CDH13: variants seen among roughly 807,000 people sequenced by gnomAD.
CDH13 encodes cadherin-13.
Under a neutral mutation model 63.8 loss-of-function variants are expected in CDH13, and 24 were observed. The ratio of observed to expected loss-of-function variants is 0.38; its 90% CI spans 0.27 to 0.53. The LOEUF (loss-of-function observed/expected upper bound fraction) is 0.53. Among genes scored for constraint, CDH13 ranks in the 20% least tolerant of loss-of-function variants. The pLI is 0.85. For missense variants in CDH13, 1,049 were observed against 903.1 expected (o/e 1.16, Z -2.07); for synonymous variants, 503 against 355.3 (o/e 1.42, Z -4.67).
chr16:82,675,150 G>A (rs910376955), intron 1 of CDH13, among the ~76,000 whole-genome samples: 8 of 152,030 alleles, frequency 5.3e-5, no homozygotes, highest in African/African-American at 9.7e-5. Flanking sequence ...TAAGGGTGCC[G>A]TATTGAAAAA....
At chr16:82,858,217 C>T (rs2039781788) in intron 1 of CDH13, 145 bp from the exon 2 acceptor site, 1 of 599,170 alleles carries the variant, frequency 1.7e-6, no homozygotes. Context: ...TTGTTGGCAG[C>T]CACTGGAGAA....
chr16:83,365,083 A>G (rs569757839), intron 6 of CDH13, among the ~76,000 whole-genome samples: 3 of 152,342 alleles, frequency 2.0e-5, no homozygotes, highest in Middle Eastern at 6.8e-3. Context: ...GTAAAATTTA[A>G]AAAAGGATAT....
chr16:83,317,218 A>G (rs1455592230), intron 5 of CDH13, among the ~76,000 whole-genome samples: 4 of 152,210 alleles, frequency 2.6e-5, no homozygotes, highest in Admixed American at 6.5e-5. Context: ...GCAAACTTCT[A>G]TAAACTTATC....
intron 2 of CDH13, among the ~76,000 whole-genome samples, chr16:82,927,206 A>G (rs2042332211): frequency 6.6e-6 from 1 of 152,150 alleles, no homozygotes. Flanking sequence ...AATGAGTGAT[A>G]TTTTATGACT....
In CDH13 at chr16:82,644,618, T is replaced by C. The variant is rs1433157; in HGVS notation, c.45+17481T>C. On this transcript the variant is annotated intron_variant, in intron 1 of 13. Transcript: ENST00000567109. The surrounding 1 kb of genome is among the most constrained non-coding windows in gnomAD (Gnocchi z 5.7). ...AGCTGAGGGGCTGTACGTGTCTTCA[T>C]AGGTCTCCAGTCTGTAAAAGCAACC... 0.51 allele frequency among the ~76,000 whole-genome samples: 78,136 copies of C among 151,930 alleles called. 20,787 individuals are homozygous for C. The highest frequency in any genetic ancestry group is 0.64 in the African/African-American group (26,723 of 41,444).
At chr16:82,831,313 C>G (rs1014056014) in intron 1 of CDH13, among the ~76,000 whole-genome samples, 1 of 152,154 alleles carries the variant, frequency 6.6e-6, no homozygotes, top group Non-Finnish European at 1.5e-5. Context: ...AGGTCGGTAT[C>G]AAGTTTCTCT....
chr16:83,571,432 C>T (rs544260555), intron 7 of CDH13, among the ~76,000 whole-genome samples: 6 of 152,156 alleles, frequency 3.9e-5, no homozygotes, highest in Middle Eastern at 6.8e-3. Flanking sequence ...GCCCTTAAAG[C>T]AATAAGATAT....
At chr16:83,740,615 T>C (rs377242249) in intron 10 of CDH13, among the ~76,000 whole-genome samples, 1 of 152,174 alleles carries the variant, frequency 6.6e-6, no homozygotes, top group Admixed American at 6.5e-5. Flanking sequence ...CCAGTCAGAA[T>C]TGTCATGTGC....
intron 1 of CDH13, among the ~76,000 whole-genome samples, chr16:82,790,779 G>A (rs2151135195): frequency 6.6e-6 from 1 of 152,280 alleles, no homozygotes; most frequent in South Asian, 2.1e-4. Flanking sequence ...AGAGGGAGGA[G>A]TCCCTTATAA....
At chr16:83,579,328 G>A (rs1216900084) in intron 7 of CDH13, among the ~76,000 whole-genome samples, 1 of 152,146 alleles carries the variant, frequency 6.6e-6, no homozygotes, top group Non-Finnish European at 1.5e-5. Context: ...CCTGAGACTG[G>A]GCAATATATA....
chr16:83,659,012 C>T (rs1370384926), intron 8 of CDH13, among the ~76,000 whole-genome samples: 2 of 144,000 alleles, frequency 1.4e-5, no homozygotes, highest in Non-Finnish European at 3.0e-5. Context: ...ATGTCCTCAC[C>T]ACCAGGTCCC....
chr16:83,593,176 T>C (rs1380127832), intron 7 of CDH13, among the ~76,000 whole-genome samples: 3 of 152,212 alleles, frequency 2.0e-5, no homozygotes, highest in Admixed American at 6.5e-5. Flanking sequence ...CAAGGACGCT[T>C]GTGATGCCCA....
rs961853806 is a variant in CDH13 at position 82,915,758 on chromosome 16, C to T, written c.157+57285C>T. ...ACAGCTCCTTGTAAAGCTGATTCTT[C>T]CCTTGGATTTGCTCATCTCATATCA... On this transcript the variant is annotated intron_variant, in intron 2 of 13. Transcript: ENST00000567109. Among the ~76,000 whole-genome samples the T allele has an allele frequency of 2.8e-4, 42 of 151,312 alleles. 1 individual carries two copies. Among genetic ancestry groups the T allele is most frequent in the Admixed American group, 2.0e-4 (3 of 15,116 alleles).
intron 1 of CDH13, among the ~76,000 whole-genome samples, chr16:82,814,270 G>A (rs1464004071): frequency 6.6e-6 from 1 of 152,084 alleles, no homozygotes; most frequent in East Asian, 1.9e-4. Context: ...GTATTTCCTG[G>A]CTGATAGGAG....
chr16:83,247,170 G>T (rs1905067913), intron 5 of CDH13, among the ~76,000 whole-genome samples: 1 of 152,210 alleles, frequency 6.6e-6, no homozygotes, highest in African/African-American at 2.4e-5. Context: ...CCAGTTCACA[G>T]ATCTAGTTTT....
At chr16:82,904,814 T>C (rs1042820195) in intron 2 of CDH13, among the ~76,000 whole-genome samples, 1 of 152,210 alleles carries the variant, frequency 6.6e-6, no homozygotes, top group Admixed American at 6.5e-5. Flanking sequence ...CATTACTCCA[T>C]GTGGGCCACC....
intron 3 of CDH13, among the ~76,000 whole-genome samples, chr16:83,034,910 A>G (rs893361175): frequency 2.0e-5 from 3 of 152,012 alleles, no homozygotes; most frequent in East Asian, 1.9e-4. Flanking sequence ...CGCATTTTCG[A>G]CAAAACTTGC....
intron 7 of CDH13, among the ~76,000 whole-genome samples, chr16:83,592,479 T>G (rs1303111883): frequency 6.6e-6 from 1 of 152,216 alleles, no homozygotes; most frequent in African/African-American, 2.4e-5. Context: ...ATTTGCCACC[T>G]TGAGCCTACA....
chr16:83,138,711 T>C (rs774998948), intron 4 of CDH13, among the ~76,000 whole-genome samples: 6 of 152,176 alleles, frequency 3.9e-5, no homozygotes, highest in Non-Finnish European at 8.8e-5. Flanking sequence ...ACGATCAGAT[T>C]TGCATTTCAG....
Sources: allele counts gnomAD v4.1 joint callset (sites outside exome capture counted in the v4.1 genomes callset), GRCh38; gene constraint gnomAD v4.1.1; non-coding constraint Gnocchi (gnomAD v3.1); transcripts MANE v1.5; gene names NCBI Gene and HGNC (gene_info 2026-07-23, HGNC 2026-07-21).